CRTC3: variants seen among roughly 807,000 people sequenced by gnomAD.
The protein encoded by CRTC3 is CREB-regulated transcription coactivator 3.
A neutral mutation model predicts 74.5 loss-of-function variants in CRTC3; 26 were observed. That is an observed-to-expected ratio of 0.35 (90% confidence interval 0.26 to 0.48). The LOEUF (loss-of-function observed/expected upper bound fraction) is 0.48. CRTC3 is among the 20% of genes least tolerant of loss of function. The pLI is 0.99. For synonymous variants in CRTC3, 377 were observed against 325.8 expected, an observed-to-expected ratio of 1.16 and a Z score of -1.69; for missense variants, 760 against 787.3, an observed-to-expected ratio of 0.97 and a Z score of 0.41.
intron 2 of CRTC3, among the ~76,000 whole-genome samples, chr15:90,564,063 C>T (rs1276000078): frequency 1.3e-5 from 2 of 152,114 alleles, no homozygotes; most frequent in African/African-American, 4.8e-5. Flanking sequence ...GGTACTATTA[C>T]TGTCTCTATT....
At chr15:90,592,761 G>T (rs1016855468) in intron 2 of CRTC3, among the ~76,000 whole-genome samples, 7 of 152,206 alleles carry the variant, frequency 4.6e-5, no homozygotes, top group Non-Finnish European at 8.8e-5. Flanking sequence ...TGGTTTGTGT[G>T]TAAGGATTCA....
At chr15:90,637,536 T>C (rs1969284437) in intron 11 of CRTC3, among the ~76,000 whole-genome samples, 1 of 151,746 alleles carries the variant, frequency 6.6e-6, no homozygotes, top group Non-Finnish European at 1.5e-5. Flanking sequence ...ACATGTACCC[T>C]AGAACTTAAA....
At chr15:90,569,413 T>C (rs1967205782) in intron 2 of CRTC3, among the ~76,000 whole-genome samples, 1 of 148,178 alleles carries the variant, frequency 6.7e-6, no homozygotes, top group African/African-American at 2.5e-5. Flanking sequence ...TCTGCCTCCC[T>C]GGTTCAAACG....
At chr15:90,532,676 G>GT (rs1186011735) in intron 1 of CRTC3, among the ~76,000 whole-genome samples, 31 of 152,302 alleles carry the variant, frequency 2.0e-4, no homozygotes, top group African/African-American at 7.5e-4. Flanking sequence ...AGACTAGACT[G>GT]TAGAGGATTT....
At chr15:90,598,696 T>C (rs1967993335) in intron 3 of CRTC3, 2 of 598,284 alleles carry the variant, frequency 3.3e-6, no homozygotes, top group African/African-American at 3.7e-5. Flanking sequence ...TTGGGTACTT[T>C]TGGCAGAGAA....
At position 90,625,926 on chromosome 15, in the gene CRTC3, G is replaced by A; in HGVS notation, c.900G>A (p.Met300Ile). Residue 300 changes from methionine to isoleucine, a missense_variant, in exon 10 of 15, where the codon ATG becomes ATA. This residue lies in a region of CRTC3 where 652 missense variants were observed against 635.2 expected (regional missense o/e 1.03). Transcript: ENST00000268184. ...LDTTDHHFGS[M>I]SVGNSVNNIP... ...CCACCGACCACCACTTTGGCAGTAT[G>A]AGTGTGGGGAATAGTGTGAACAACA... 3 of 1,614,200 alleles carry A rather than the reference G, an allele frequency of 1.9e-6. No individual in the cohort carries two copies. The highest frequency in any genetic ancestry group is 2.5e-6 in the Non-Finnish European group (3 of 1,180,028).
chr15:90,540,300 A>C (rs1460518621), intron 2 of CRTC3, among the ~76,000 whole-genome samples, 163 bp downstream of exon 2: 1 of 152,242 alleles, frequency 6.6e-6, no homozygotes, highest in Non-Finnish European at 1.5e-5. Flanking sequence ...TCTACAGCAT[A>C]CGATAGTGTT....
chr15:90,608,380 C>T (rs951112940), intron 6 of CRTC3, among the ~76,000 whole-genome samples: 1 of 152,172 alleles, frequency 6.6e-6, no homozygotes, highest in African/African-American at 2.4e-5. Context: ...TCTGCTCCCC[C>T]GCCTCACACC....
chr15:90,587,713 A>C (rs1013612684), intron 2 of CRTC3, among the ~76,000 whole-genome samples: 2 of 152,170 alleles, frequency 1.3e-5, no homozygotes, highest in Non-Finnish European at 2.9e-5. Flanking sequence ...TCCCAGGCTC[A>C]AGTGATCCTC....
intron 9 of CRTC3, among the ~76,000 whole-genome samples, chr15:90,620,368 T>C (rs1431928580): frequency 1.3e-5 from 2 of 152,208 alleles, no homozygotes; most frequent in Non-Finnish European, 2.9e-5. Flanking sequence ...AAAGTTTCTA[T>C]GAAACCATTA....
At chr15:90,612,673 A>G (rs1455543543) in intron 6 of CRTC3, among the ~76,000 whole-genome samples, 1 of 152,034 alleles carries the variant, frequency 6.6e-6, no homozygotes, top group East Asian at 1.9e-4. Flanking sequence ...TTTAGTAATC[A>G]GAATGAAGTT....
rs1969009399 is a variant in CRTC3, at chr15:90,630,757, T to TTTA, written c.1266+1227_1266+1228insATT. Among the ~76,000 whole-genome samples, 2 of 8,078 alleles carry TTTA rather than the reference T, an allele frequency of 2.5e-4. 1 individual carries two copies. The highest frequency in any genetic ancestry group is 9.4e-4 in the African/African-American group (2 of 2,122). 5.3% of individuals were successfully genotyped at this position (8,078 alleles called of 152,430 possible). A position where few individuals can be genotyped will look rare whatever the true frequency, so the allele number is the denominator to read the frequency against. On this transcript the variant is annotated intron_variant, in intron 11 of 14. Coordinates refer to ENST00000268184, the MANE Select transcript of CRTC3 (RefSeq NM_022769.5). ...ACATCCTCTGTCTATTACAGCATCA[T>TTTA]TTTTTTTTTTTTTTTTTTTTTTTTT... is the stretch of plus-strand genomic sequence containing the variant.
intron 11 of CRTC3, among the ~76,000 whole-genome samples, chr15:90,635,704 T>C (rs529255515): frequency 2.0e-5 from 3 of 152,194 alleles, no homozygotes; most frequent in South Asian, 2.1e-4. Flanking sequence ...TCAGGTTCCC[T>C]AAAGGACACT....
intron 13 of CRTC3, among the ~76,000 whole-genome samples, chr15:90,639,384 T>TA (rs1347043681): frequency 6.6e-6 from 1 of 151,798 alleles, no homozygotes; most frequent in East Asian, 1.9e-4. Flanking sequence ...TAGTATTCAA[T>TA]AAGTATGGAC....
chr15:90,564,760 T>C (rs1240631923), intron 2 of CRTC3, among the ~76,000 whole-genome samples: 1 of 152,198 alleles, frequency 6.6e-6, no homozygotes, highest in Non-Finnish European at 1.5e-5. Flanking sequence ...AGTGTATTTG[T>C]TGTCACTGTA....
chr15:90,574,888 T>C (rs1264485836), intron 2 of CRTC3, among the ~76,000 whole-genome samples: 1 of 152,238 alleles, frequency 6.6e-6, no homozygotes, highest in Admixed American at 6.5e-5. Flanking sequence ...TTCTTTTGTG[T>C]GGTTGATCTT....
Position 90,629,280 on chromosome 15 carries a change from T to A in CRTC3, c.1014T>A (p.Asn338Lys), listed in dbSNP as rs1968949521. Residue 338 changes from asparagine to lysine, a missense_variant, in exon 11 of 15, where the codon AAT becomes AAA. Coordinates refer to ENST00000268184, the MANE Select transcript of CRTC3 (RefSeq NM_022769.5). ...ACCCCTCCATCCAAGCCACGCTCAA[T>A]AAGACTGTGCTTTCCTCTTCCTTAA... ...RSNPSIQATL[N>K]KTVLSSSLNN... 1 of 1,614,088 alleles carries A rather than the reference T, an allele frequency of 6.2e-7. No homozygotes were observed. Among genetic ancestry groups the A allele is most frequent in the South Asian group, 1.1e-5 (1 of 91,088 alleles).
chr15:90,576,750 A>G (rs1249914579), intron 2 of CRTC3, among the ~76,000 whole-genome samples: 1 of 152,204 alleles, frequency 6.6e-6, no homozygotes, highest in Non-Finnish European at 1.5e-5. Context: ...CAGTGTTCCA[A>G]GAGGTCAGGA....
intron 4 of CRTC3, among the ~76,000 whole-genome samples, chr15:90,603,273 C>T (rs1171447439): frequency 6.7e-6 from 1 of 148,706 alleles, no homozygotes; most frequent in Non-Finnish European, 1.5e-5. Context: ...GAAACCCCGT[C>T]TCCACTAAAA....
Sources: allele counts gnomAD v4.1 joint callset (sites outside exome capture counted in the v4.1 genomes callset), GRCh38; gene constraint gnomAD v4.1.1; regional missense constraint gnomAD v4.1.1; transcripts MANE v1.5; gene names NCBI Gene and HGNC (gene_info 2026-07-23, HGNC 2026-07-21).